The following RTCB variants were observed in gnomAD, a reference collection of about 807,000 sequenced individuals.
RTCB encodes the protein RNA 2',3'-cyclic phosphate and 5'-OH ligase, also known as RNA-splicing ligase RTCB.
A neutral mutation model predicts 58.2 loss-of-function variants in RTCB; 32 were observed. The ratio of observed to expected loss-of-function variants is 0.55; its 90% CI spans 0.41 to 0.74. The LOEUF is 0.74. Among genes scored for constraint, RTCB ranks in the 30% least tolerant of loss-of-function variants. The probability of loss-of-function intolerance (pLI) is 0.00; values close to 1 mark genes in which losing one functional copy is unlikely to be tolerated. For synonymous variants in RTCB, 247 were observed against 218.6 expected, an observed-to-expected ratio of 1.13 and a Z score of -1.15; for missense variants, 523 against 639.0, an observed-to-expected ratio of 0.82 and a Z score of 1.96.
chr22:32,396,997 A>G (rs1373910306), intron 7 of RTCB, among the ~76,000 whole-genome samples: 1 of 152,142 alleles, frequency 6.6e-6, no homozygotes, highest in African/African-American at 2.4e-5. Flanking sequence ...GTTTCTTGTG[A>G]CAGGCACATG....
intron 1 of RTCB, among the ~76,000 whole-genome samples, chr22:32,409,983 A>G (rs1933492690): frequency 6.6e-6 from 1 of 151,962 alleles, no homozygotes; most frequent in South Asian, 2.1e-4. Flanking sequence ...ACGCCCAGCT[A>G]ATTTTTTGTA....
intron 9 of RTCB, 66 bp downstream of exon 9, chr22:32,394,960 A>G (rs914507549): frequency 1.4e-6 from 2 of 1,383,130 alleles, no homozygotes; most frequent in Admixed American, 2.0e-5. Flanking sequence ...TTTAAATGTA[A>G]TTCACATTTG....
At chr22:32,401,988 A>T in intron 4 of RTCB, 85 bp from the exon 5 acceptor site, 1 of 1,328,462 alleles carries the variant, frequency 7.5e-7, no homozygotes, top group South Asian at 1.4e-5. Flanking sequence ...AACTATAAAG[A>T]TACCCATTCT....
chr22:32,388,267 C>T (rs1933091430), intron 11 of RTCB, among the ~76,000 whole-genome samples, 168 bp from the exon 12 acceptor site: 1 of 150,686 alleles, frequency 6.6e-6, no homozygotes, highest in Non-Finnish European at 1.5e-5. Flanking sequence ...TGATGTTGGT[C>T]AGTGCTGATT....
Position 32,387,860 on chromosome 22 carries a change from T to C in RTCB, c.*132A>G, listed in dbSNP as rs1933083494. The C allele has an allele frequency of 1.7e-6, 1 of 580,992 alleles. No individual in the cohort carries two copies. 36.0% of individuals were successfully genotyped at this position (580,992 alleles called of 1,614,324 possible). On this transcript the variant is annotated 3_prime_UTR_variant, in exon 12 of 12. Transcript: ENST00000216038. The stretch of plus-strand genomic sequence containing the variant: ...AAAGCAGCAGCCTCCCCATCAGCCA[T>C]TTTGGCGTGAGCAGTTACAGCTGCA...
At position 32,395,727 on chromosome 22, in the gene RTCB, C is replaced by T. The variant is rs552608380; in HGVS notation, c.990+347G>A. Among the ~76,000 whole-genome samples, 4 of 152,164 alleles carry T rather than the reference C, an allele frequency of 2.6e-5. No individual in the cohort carries two copies. In the South Asian group the frequency reaches 8.3e-4, roughly 32 times the overall value. On this transcript the variant is annotated intron_variant, in intron 8 of 11. Coordinates refer to ENST00000216038, the MANE Select transcript of RTCB (RefSeq NM_014306.5). ...TTTTCTTTTGGAGACAGGAGTCTCA[C>T]TCTGTCACCCAGGCTGGAGTGCAGT...
At chr22:32,389,082 G>C (rs1372654151) in intron 11 of RTCB, among the ~76,000 whole-genome samples, 1 of 152,034 alleles carries the variant, frequency 6.6e-6, no homozygotes. Flanking sequence ...GTTCTCCCTA[G>C]GCACTCCTAG....
rs568288165 is a variant in RTCB, at chr22:32,390,649, C to T, written c.1410+1591G>A. Among the ~76,000 whole-genome samples the T allele has an allele frequency of 9.2e-5, 14 of 152,178 alleles. No homozygotes were observed. In the South Asian group the frequency reaches 2.5e-3, roughly 27 times the overall value. On this transcript the variant is annotated intron_variant, in intron 11 of 11. Coordinates refer to ENST00000216038, the MANE Select transcript of RTCB (RefSeq NM_014306.5). The stretch of plus-strand genomic sequence containing the variant: ...ATTTTTAGTAGAGATGGGGTTTCAC[C>T]GTGTTAGCCAGGATGGTCTTGATCT...
At chr22:32,401,987 G>C in intron 4 of RTCB, 84 bp from the exon 5 acceptor site, 1 of 1,335,392 alleles carries the variant, frequency 7.5e-7, no homozygotes. Context: ...GAACTATAAA[G>C]ATACCCATTC....
intron 4 of RTCB, among the ~76,000 whole-genome samples, chr22:32,404,742 A>G (rs2145896734): frequency 6.6e-6 from 1 of 152,118 alleles, no homozygotes; most frequent in South Asian, 2.1e-4. Context: ...GCAGTGGCGC[A>G]ATCTCAGCTC....
rs200743975 is a variant in RTCB, at chr22:32,406,644, T to G, written c.340+18A>C. 4.2e-5 allele frequency: 66 copies of G among 1,562,290 alleles called. No homozygotes were observed. The African/African-American group carries it at 7.9e-4, about 19-fold the overall frequency. ...CCAATGCTACACACTTAACAGCAGATGTCCACAGTGATCTTACCTGGGGAT... is the reference window on the plus strand; with the variant it reads ...CCAATGCTACACACTTAACAGCAGAGGTCCACAGTGATCTTACCTGGGGAT... On this transcript the variant is annotated intron_variant, in intron 4 of 11. Coordinates refer to ENST00000216038, the MANE Select transcript of RTCB (RefSeq NM_014306.5).
At chr22:32,388,204 G>A in intron 11 of RTCB, 105 bp from the exon 12 acceptor site, 2 of 663,708 alleles carry the variant, frequency 3.0e-6, no homozygotes, top group Non-Finnish European at 5.1e-6. Context: ...AAATAATACA[G>A]AGAGTTTTTT....
chr22:32,393,890 A>G lies in RTCB; in HGVS notation c.1290+2T>C. 3 of 1,604,652 alleles carry G rather than the reference A, an allele frequency of 1.9e-6. No individual in the cohort carries two copies. Among genetic ancestry groups the G allele is most frequent in the Non-Finnish European group, 2.6e-6 (3 of 1,171,358 alleles). ...TTCTAAGGAAGTTTCTGTTTTCCTT[A>G]CCGCTCCATGACAGGTTGTTCCAAA... On this transcript the variant is annotated splice_donor_variant, in intron 10 of 11. Transcript: ENST00000216038. LOFTEE classifies it high-confidence loss of function.
At chr22:32,402,488 C>T (rs1439974391) in intron 4 of RTCB, among the ~76,000 whole-genome samples, 4 of 152,180 alleles carry the variant, frequency 2.6e-5, no homozygotes, top group Non-Finnish European at 5.9e-5. Flanking sequence ...CTCACTCTGT[C>T]GCCCAGGCTG....
chr22:32,399,572 A>G, intron 6 of RTCB, 31 bp downstream of exon 6: 7 of 1,548,646 alleles, frequency 4.5e-6, no homozygotes, highest in Non-Finnish European at 5.2e-6. Context: ...TGAAAAAAAA[A>G]TTAACATGTT....
Position 32,396,101 on chromosome 22 carries a change from G to A in RTCB, c.963C>T (p.Arg321=). 6 of 1,614,174 alleles carry A rather than the reference G, an allele frequency of 3.7e-6. No individual in the cohort carries two copies. The highest frequency in any genetic ancestry group is 5.1e-6 in the Non-Finnish European group (6 of 1,180,012). The change falls in exon 8 of 12, where the codon CGC becomes CGT. Residue 321 remains arginine, a synonymous_variant. Transcript: ENST00000216038. The part of the protein sequence containing the change: ...AAAGNYAWVN[R]SSMTFLTRQA... ...GACGGGTTAAGAAGGTCATGGAAGA[G>A]CGGTTGACCCAGGCATAGTTCCCAG...
At chr22:32,393,495 C>T (rs899992823) in intron 10 of RTCB, among the ~76,000 whole-genome samples, 3 of 152,134 alleles carry the variant, frequency 2.0e-5, no homozygotes, top group East Asian at 1.9e-4. Flanking sequence ...TCCAATCTTG[C>T]GTGGACCTAC....
rs776568353 is a variant in RTCB at position 32,408,793 on chromosome 22, A to G, written c.134T>C (p.Leu45Ser). The change falls in exon 2 of 12, where the codon TTG (leucine) becomes TCG (serine). Residue 45 changes from leucine to serine, a missense_variant. Leu to Ser is a moderately radical substitution (Grantham distance 145, BLOSUM62 -2). Transcript: ENST00000216038. ...VFYVNDALEK[L>S]MFEELRNACR... is the part of the protein sequence containing the mutation. ...GGCATTCCTTAATTCCTCAAACATC[A>G]ATTTCTCCAGAGCATCATTCACATA... The G allele has an allele frequency of 2.5e-6, 4 of 1,613,894 alleles. No individual in the cohort carries two copies. Among genetic ancestry groups the G allele is most frequent in the Non-Finnish European group, 3.4e-6 (4 of 1,179,894 alleles).
Position 32,412,191 on chromosome 22 carries a change from G to A in RTCB, c.-35C>T, listed in dbSNP as rs776140875. On this transcript the variant is annotated 5_prime_UTR_variant, in exon 1 of 12. Coordinates refer to ENST00000216038, the MANE Select transcript of RTCB (RefSeq NM_014306.5). ...AACTGTAGCAAAAACTCCCGGCTCCGCTTTGAAGAGCCGCTGCCGCGTAGT... is the reference window on the plus strand; with the variant it reads ...AACTGTAGCAAAAACTCCCGGCTCCACTTTGAAGAGCCGCTGCCGCGTAGT... 6 of 1,506,252 alleles carry A rather than the reference G, an allele frequency of 4.0e-6. No homozygotes were observed. Among genetic ancestry groups the A allele is most frequent in the South Asian group, 1.2e-5 (1 of 84,022 alleles). 93.3% of individuals were successfully genotyped at this position (1,506,252 alleles called of 1,614,324 possible).
Sources: gnomAD v4.1 joint callset for allele counts (sites outside exome capture counted in the v4.1 genomes callset) on GRCh38, gnomAD v4.1.1 for gene constraint, MANE v1.5 for transcripts, NCBI Gene and HGNC (gene_info 2026-07-23, HGNC 2026-07-21) for gene names.